CCDC178: variants seen among roughly 807,000 people sequenced by gnomAD.
CCDC178 encodes coiled-coil domain-containing protein 178.
Under a neutral mutation model 117.4 loss-of-function variants are expected in CCDC178, and 126 were observed. The ratio of observed to expected loss-of-function variants is 1.07; its 90% CI spans 0.93 to 1.24. CCDC178 has a LOEUF of 1.24. CCDC178 is among the 50% of genes most tolerant of loss of function. CCDC178 has a pLI of 0.00. For synonymous variants in CCDC178, 283 were observed against 313.4 expected (o/e 0.90, Z 1.02); for missense variants, 1,030 against 986.9 (o/e 1.04, Z -0.59).
intron 7 of CCDC178, among the ~76,000 whole-genome samples, chr18:33,350,136 T>C (rs563884312): frequency 7.2e-5 from 11 of 152,192 alleles, no homozygotes; most frequent in Admixed American, 3.3e-4. Flanking sequence ...GCATCAACTA[T>C]TAAATAGTAC....
chr18:33,056,764 G>C (rs374247105), intron 21 of CCDC178, among the ~76,000 whole-genome samples: 2 of 152,114 alleles, frequency 1.3e-5, no homozygotes, highest in African/African-American at 4.8e-5. Flanking sequence ...TTGGTGGAGG[G>C]TAAACTCAGG....
rs1412971620 is a variant in CCDC178 at position 32,937,425 on chromosome 18, T to G, written c.*586A>C. The G allele has an allele frequency of 2.0e-5, 3 of 152,156 alleles. No individual in the cohort carries two copies. Among genetic ancestry groups the G allele is most frequent in the Non-Finnish European group, 4.4e-5 (3 of 68,052 alleles). 9.4% of individuals were successfully genotyped at this position (152,156 alleles called of 1,614,324 possible). ...CATGGACAAAATGAAGCATTTAAATTTATTCATTAATCATTCATCTCCAGC... is the reference window on the plus strand; with the variant it reads ...CATGGACAAAATGAAGCATTTAAATGTATTCATTAATCATTCATCTCCAGC... On this transcript the variant is annotated 3_prime_UTR_variant, in exon 23 of 23. Coordinates refer to ENST00000383096, the MANE Select transcript of CCDC178 (RefSeq NM_001105528.4).
At chr18:33,263,921 A>T (rs1038131623) in intron 14 of CCDC178, among the ~76,000 whole-genome samples, 4 of 152,100 alleles carry the variant, frequency 2.6e-5, no homozygotes, top group Non-Finnish European at 5.9e-5. Context: ...TAAAAAAAAA[A>T]TAGCCAAGAA....
intron 21 of CCDC178, among the ~76,000 whole-genome samples, chr18:33,054,455 T>C (rs550852647): frequency 1.3e-5 from 2 of 152,274 alleles, no homozygotes; most frequent in South Asian, 4.1e-4. Flanking sequence ...CACTGTGTGT[T>C]GTTCCCCTAC....
At chr18:33,396,483 AAGG>A (rs1287820568) in intron 4 of CCDC178, among the ~76,000 whole-genome samples, 3 of 152,146 alleles carry the variant, frequency 2.0e-5, no homozygotes, top group Non-Finnish European at 4.4e-5. Context: ...ATATATGTAC[AAGG>A]AGGTTTCTAG....
At chr18:33,378,641 ATGAAG>A (rs918692960) in intron 5 of CCDC178, among the ~76,000 whole-genome samples, 1 of 152,102 alleles carries the variant, frequency 6.6e-6, no homozygotes, top group African/African-American at 2.4e-5. Flanking sequence ...CATTTTTATC[ATGAAG>A]TGATGTTGGA....
intron 12 of CCDC178, among the ~76,000 whole-genome samples, chr18:33,281,087 A>C (rs920824600): frequency 1.1e-5 from 1 of 94,220 alleles, no homozygotes; most frequent in Non-Finnish European, 2.1e-5. Flanking sequence ...ATGTACCTTA[A>C]AACTTAAAGT....
At chr18:33,416,311 C>T (rs1170591940) in intron 2 of CCDC178, among the ~76,000 whole-genome samples, 1 of 152,058 alleles carries the variant, frequency 6.6e-6, no homozygotes, top group Non-Finnish European at 1.5e-5. Flanking sequence ...CCTATAGTCC[C>T]AGCTGCTCTG....
chr18:33,174,750 T>C (rs1223369128), intron 20 of CCDC178, among the ~76,000 whole-genome samples: 1 of 152,192 alleles, frequency 6.6e-6, no homozygotes, highest in Admixed American at 6.6e-5. Flanking sequence ...TCCTATCTTC[T>C]TCATTTTCCT....
At chr18:32,959,388 G>C (rs1598733166) in intron 22 of CCDC178, among the ~76,000 whole-genome samples, 1 of 152,108 alleles carries the variant, frequency 6.6e-6, no homozygotes. Flanking sequence ...GTTCTCATTT[G>C]GTGTACACTT....
chr18:33,270,894 G>C (rs2059879944), intron 12 of CCDC178, among the ~76,000 whole-genome samples: 1 of 151,352 alleles, frequency 6.6e-6, no homozygotes, highest in Non-Finnish European at 1.5e-5. Context: ...ATTGCATAAA[G>C]CAGTAATTGT....
intron 12 of CCDC178, among the ~76,000 whole-genome samples, chr18:33,277,391 T>A (rs1021702724): frequency 6.6e-6 from 1 of 152,152 alleles, no homozygotes; most frequent in Non-Finnish European, 1.5e-5. Flanking sequence ...AAATTCTATA[T>A]GAGGAAACCC....
intron 22 of CCDC178, among the ~76,000 whole-genome samples, chr18:32,965,889 T>C (rs975011081): frequency 6.7e-6 from 1 of 149,850 alleles, no homozygotes; most frequent in Non-Finnish European, 1.5e-5. Context: ...TGAAATATTT[T>C]CCTATTGGGT....
intron 21 of CCDC178, among the ~76,000 whole-genome samples, chr18:33,027,531 T>A (rs1406355065): frequency 6.6e-6 from 1 of 151,532 alleles, no homozygotes; most frequent in Admixed American, 6.6e-5. Context: ...AAGTGAGATA[T>A]AACATCAGAA....
chr18:33,352,129 C>A (rs1378548230), intron 7 of CCDC178, among the ~76,000 whole-genome samples: 1 of 151,826 alleles, frequency 6.6e-6, no homozygotes, highest in African/African-American at 2.4e-5. Context: ...GGTTTTCTAC[C>A]CCTTCCTGAG....
At chr18:33,426,967 A>G (rs543188015) in intron 2 of CCDC178, among the ~76,000 whole-genome samples, 131 of 152,276 alleles carry the variant, frequency 8.6e-4, no homozygotes, top group Non-Finnish European at 1.7e-3. Flanking sequence ...TATTTTAAAG[A>G]GCTTCCAGAC....
At chr18:33,271,411 C>T (rs1186074641) in intron 12 of CCDC178, among the ~76,000 whole-genome samples, 1 of 151,452 alleles carries the variant, frequency 6.6e-6, no homozygotes, top group Non-Finnish European at 1.5e-5. Flanking sequence ...AAATTCCATG[C>T]AAACAGTAAC....
intron 20 of CCDC178, among the ~76,000 whole-genome samples, chr18:33,123,280 G>C (rs1323505159): frequency 1.3e-5 from 2 of 152,090 alleles, no homozygotes; most frequent in Non-Finnish European, 2.9e-5. Flanking sequence ...GGTGTACCAA[G>C]ACAAGTAATA....
intron 12 of CCDC178, among the ~76,000 whole-genome samples, chr18:33,274,580 T>C (rs1371854645): frequency 3.3e-5 from 5 of 151,872 alleles, no homozygotes; most frequent in African/African-American, 1.2e-4. Context: ...TAAAAAGCAA[T>C]AAAATACTGA....
Sources: allele counts gnomAD v4.1 joint callset (sites outside exome capture counted in the v4.1 genomes callset), GRCh38; gene constraint gnomAD v4.1.1; transcripts MANE v1.5; gene names NCBI Gene and HGNC (gene_info 2026-07-23, HGNC 2026-07-21).